PCDHA4: variants seen among roughly 807,000 people sequenced by gnomAD.
The protein encoded by PCDHA4 is protocadherin alpha 4, also known as protocadherin alpha-4.
In PCDHA4, 49 loss-of-function variants were observed where a neutral mutation model predicts 61.4. The observed-to-expected ratio is 0.80, with a 90% CI of 0.63 to 1.01. The LOEUF is 1.01. Among genes scored for constraint, PCDHA4 ranks in the 50% least tolerant of loss-of-function variants. PCDHA4 has a pLI of 0.00. For synonymous variants in PCDHA4, 590 were observed against 550.3 expected, an observed-to-expected ratio of 1.07 and a Z score of -1.01; for missense variants, 1,254 against 1,235.8, an observed-to-expected ratio of 1.01 and a Z score of -0.22.
chr5:140,841,839 G>T, intron 1 of PCDHA4: 1 of 1,613,898 alleles, frequency 6.2e-7, no homozygotes, highest in South Asian at 1.1e-5. Context: ...TACAGGCTTA[G>T]CTCTCATGAT....
intron 1 of PCDHA4, chr5:140,841,697 G>A (rs1777423806): frequency 2.5e-6 from 4 of 1,613,882 alleles, no homozygotes; most frequent in African/African-American, 1.3e-5. Flanking sequence ...GGTGAAGGAT[G>A]TTAATGACAA....
In PCDHA4 at chr5:140,808,003, A is replaced by G. The variant is rs781837292; in HGVS notation, c.816A>G (p.Gly272=). The change falls in exon 1 of 4, where the codon GGA becomes GGG. Residue 272 remains glycine, a synonymous_variant. Coordinates refer to ENST00000530339, the MANE Select transcript of PCDHA4 (RefSeq NM_018907.4). ...TTAACGCCTCAGATTTAGACGAAGG[A>G]TTGAATGGGGACATTGTTTATTCAT... ...IKLNASDLDE[G]LNGDIVYSFS... is the part of the protein sequence containing the mutation. 1.9e-6 allele frequency: 3 copies of G among 1,613,804 alleles called. No individual in the cohort carries two copies. In the South Asian group the frequency reaches 3.3e-5, roughly 18 times the overall value.
Position 140,848,531 on chromosome 5 carries a change from G to C in PCDHA4, c.2385+38959G>C. On this transcript the variant is annotated intron_variant, in intron 1 of 3. Coordinates refer to ENST00000530339, the MANE Select transcript of PCDHA4 (RefSeq NM_018907.4). ...CAAGTCGAGGAGATCCAGAGGGTCA[G>C]CCTCTACTGCTCTCGCTTCTGATCC... 3 of 1,594,876 alleles carry C rather than the reference G, an allele frequency of 1.9e-6. 1 individual carries two copies. The South Asian group carries it at 3.3e-5, about 18-fold the overall frequency.
At chr5:141,005,824 G>T (rs1380044629) in intron 3 of PCDHA4, among the ~76,000 whole-genome samples, 2 of 151,660 alleles carry the variant, frequency 1.3e-5, no homozygotes, top group African/African-American at 4.8e-5. Flanking sequence ...ATGGTGGCCT[G>T]TAGTCCCAGC....
intron 1 of PCDHA4, chr5:140,871,603 T>C (rs919844711): frequency 6.2e-6 from 9 of 1,443,200 alleles, no homozygotes; most frequent in Admixed American, 5.5e-5. Flanking sequence ...AACCAGTGTT[T>C]TGAATATTGT....
rs1562687946 is a variant in PCDHA4 at position 140,874,243 on chromosome 5, TG to T, written c.2385+64673del. ...GTAGGAATGAATGGCAACAAATTAT[TG>T]GTTTAAAGATTTTGACTTGAGTATT... On this transcript the variant is annotated intron_variant, in intron 1 of 3. Coordinates refer to ENST00000530339, the MANE Select transcript of PCDHA4 (RefSeq NM_018907.4). 2.0e-5 allele frequency among the ~76,000 whole-genome samples: 3 copies of T among 152,230 alleles called. No homozygotes were observed. In the South Asian group the frequency reaches 6.2e-4, roughly 32 times the overall value.
rs1581698926 is a variant in PCDHA4 at position 140,809,008 on chromosome 5, T to C, written c.1821T>C (p.Leu607=). Residue 607 remains leucine, a synonymous_variant, in exon 1 of 4, where the codon CTT becomes CTC. Coordinates refer to ENST00000530339, the MANE Select transcript of PCDHA4 (RefSeq NM_018907.4). ...CTGACTCGGGCTACAACGCGTGGCTTTCGTACGAGCTGCAGCCGGGGACTG... is the reference window on the plus strand; with the variant it reads ...CTGACTCGGGCTACAACGCGTGGCTCTCGTACGAGCTGCAGCCGGGGACTG... ...VDADSGYNAW[L]SYELQPGTGG... 2 of 1,613,616 alleles carry C rather than the reference T, an allele frequency of 1.2e-6. No individual in the cohort carries two copies. Among genetic ancestry groups the C allele is most frequent in the African/African-American group, 2.7e-5 (2 of 75,006 alleles).
At chr5:140,897,120 C>G (rs116233032) in intron 1 of PCDHA4, among the ~76,000 whole-genome samples, 4 of 152,134 alleles carry the variant, frequency 2.6e-5, no homozygotes, top group African/African-American at 9.7e-5. Context: ...TCTGTCCACA[C>G]CCCACTAAAC....
intron 1 of PCDHA4, chr5:140,927,671 C>T (rs2084485955): frequency 6.2e-7 from 1 of 1,614,198 alleles, no homozygotes; most frequent in Non-Finnish European, 8.5e-7. Context: ...GCCTTGGATC[C>T]AGATGAAGGG....
chr5:140,885,727 A>G (rs539866953), intron 1 of PCDHA4, among the ~76,000 whole-genome samples: 1 of 152,308 alleles, frequency 6.6e-6, no homozygotes, highest in South Asian at 2.1e-4. Context: ...TCTCTGTGAA[A>G]TGATATTTCA....
intron 1 of PCDHA4, chr5:140,850,445 G>A: frequency 6.3e-7 from 1 of 1,597,998 alleles, no homozygotes; most frequent in Non-Finnish European, 8.6e-7. Context: ...TACTGGTGCT[G>A]GTGAAAGACC....
In PCDHA4 at chr5:140,949,530, A is replaced by G. The variant is rs535959568; in HGVS notation, c.2386-29419A>G. Among the ~76,000 whole-genome samples, 8 of 151,972 alleles carry G rather than the reference A, an allele frequency of 5.3e-5. No homozygotes were observed. The South Asian group carries it at 1.7e-3, about 31-fold the overall frequency. On this transcript the variant is annotated intron_variant, in intron 1 of 3. Coordinates refer to ENST00000530339, the MANE Select transcript of PCDHA4 (RefSeq NM_018907.4). ...GATTTATTGATCCTTTTATCTTCATAAAATATCGATTTGTTGCTGGTCATA... is the reference window on the plus strand; with the variant it reads ...GATTTATTGATCCTTTTATCTTCATGAAATATCGATTTGTTGCTGGTCATA...
intron 1 of PCDHA4, chr5:140,835,675 G>C (rs2150241595): frequency 6.2e-7 from 1 of 1,613,918 alleles, no homozygotes; most frequent in South Asian, 1.1e-5. Context: ...CGGGACGGGG[G>C]CTCGCCTTCT....
At chr5:140,971,038 A>G (rs948457676) in intron 1 of PCDHA4, among the ~76,000 whole-genome samples, 4 of 152,216 alleles carry the variant, frequency 2.6e-5, no homozygotes, top group Non-Finnish European at 5.9e-5. Context: ...GAAAGCACGT[A>G]AAAGGGTTTA....
chr5:140,932,562 G>A lies in PCDHA4; in HGVS notation c.2386-46387G>A, dbSNP rs566002035. The stretch of plus-strand genomic sequence containing the variant: ...TTATTTAACATACATTCCACAAGTA[G>A]ACTTTCCCATAGGGTAATTAGATGT... On this transcript the variant is annotated intron_variant, in intron 1 of 3. Coordinates refer to ENST00000530339, the MANE Select transcript of PCDHA4 (RefSeq NM_018907.4). Among the ~76,000 whole-genome samples the A allele has an allele frequency of 1.9e-4, 29 of 151,988 alleles. No individual in the cohort carries two copies. The South Asian group carries it at 6.0e-3, about 32-fold the overall frequency.
chr5:140,849,638 C>T (rs2041012069), intron 1 of PCDHA4: 1 of 1,598,650 alleles, frequency 6.3e-7, no homozygotes, highest in African/African-American at 1.3e-5. Flanking sequence ...ACGCAGATGC[C>T]AACGGGCAGG....
chr5:140,877,138 C>T (rs2056878695), intron 1 of PCDHA4: 2 of 1,613,636 alleles, frequency 1.2e-6, no homozygotes, highest in Non-Finnish European at 1.7e-6. Flanking sequence ...GGTGTTCGTG[C>T]TGGACGAGAA....
chr5:140,902,142 A>T (rs2069127125), intron 1 of PCDHA4, among the ~76,000 whole-genome samples: 1 of 151,120 alleles, frequency 6.6e-6, no homozygotes, highest in African/African-American at 2.4e-5. Flanking sequence ...GCAAACAAGG[A>T]TAATTTGATT....
chr5:140,937,106 C>T (rs2091337574), intron 1 of PCDHA4, among the ~76,000 whole-genome samples: 1 of 149,206 alleles, frequency 6.7e-6, no homozygotes, highest in Admixed American at 6.7e-5. Context: ...GGCGCAGTCT[C>T]GGCTCACTGC....
Sources: allele counts gnomAD v4.1 joint callset (sites outside exome capture counted in the v4.1 genomes callset), GRCh38; gene constraint gnomAD v4.1.1; transcripts MANE v1.5; gene names NCBI Gene and HGNC (gene_info 2026-07-23, HGNC 2026-07-21).